The following ATXN10 variants were observed in gnomAD, a reference collection of about 807,000 sequenced individuals.
ATXN10 encodes ataxin-10.
In ATXN10, 28 loss-of-function variants were observed where a neutral mutation model predicts 52.9. The observed-to-expected ratio is 0.53, with a 90% CI of 0.39 to 0.73. The LOEUF is 0.73. Among genes scored for constraint, ATXN10 ranks in the 30% least tolerant of loss-of-function variants. The pLI is 0.00. For missense variants in ATXN10, 565 were observed against 577.0 expected (o/e 0.98, Z 0.21); for synonymous variants, 226 against 221.5 (o/e 1.02, Z -0.18).
rs1569084052 is a variant in ATXN10, at chr22:45,837,030, C to T, written c.1238-5961C>T. ...GCGTACTTTGGAAAGCCCTGCAGCA[C>T]ACAAATCCCTTGCCTTCATGGGTTT... On this transcript the variant is annotated intron_variant, in intron 10 of 11. Coordinates refer to ENST00000252934, the MANE Select transcript of ATXN10 (RefSeq NM_013236.4). This position sits in a 1 kb window ranked among gnomAD's most constrained non-coding sequence, Gnocchi z 5.8. 6.6e-6 allele frequency among the ~76,000 whole-genome samples: 1 copy of T among 152,174 alleles called. No individual in the cohort carries two copies. Among genetic ancestry groups the T allele is most frequent in the Non-Finnish European group, 1.5e-5 (1 of 68,038 alleles).
At chr22:45,720,403 C>T (rs58140427) in intron 6 of ATXN10, among the ~76,000 whole-genome samples, 2,393 of 150,942 alleles carry the variant, frequency 0.016, 79 homozygotes, top group African/African-American at 0.054. Flanking sequence ...CAAGTGTGAT[C>T]GTAGTGCACT....
chr22:45,802,626 A>G (rs1280362601), intron 9 of ATXN10, among the ~76,000 whole-genome samples: 1 of 152,196 alleles, frequency 6.6e-6, no homozygotes, highest in Non-Finnish European at 1.5e-5. Context: ...TCCTTTCCTA[A>G]TGCAGCTGTA....
In ATXN10 at chr22:45,843,186, C is replaced by T. The variant is rs1203584910; in HGVS notation, c.1425+8C>T. ...AGAGACACCCCTAAGCCAGTAAGTACCCTCGAGGGAACTGTCCTTCCCTTT... is the reference window on the plus strand; with the variant it reads ...AGAGACACCCCTAAGCCAGTAAGTATCCTCGAGGGAACTGTCCTTCCCTTT... On this transcript the variant is annotated splice_region_variant and intron_variant, in intron 11 of 11. Coordinates refer to ENST00000252934, the MANE Select transcript of ATXN10 (RefSeq NM_013236.4). This position sits in a 1 kb window ranked among gnomAD's most constrained non-coding sequence, Gnocchi z 4.5. The T allele has an allele frequency of 1.9e-6, 3 of 1,613,628 alleles. No individual in the cohort carries two copies. The African/African-American group carries it at 4.0e-5, about 22-fold the overall frequency.
Position 45,750,951 on chromosome 22 carries a change from G to A in ATXN10, c.1173+10413G>A, listed in dbSNP as rs1030962060. Among the ~76,000 whole-genome samples, 7 of 149,588 alleles carry A rather than the reference G, an allele frequency of 4.7e-5. No homozygotes were observed. The highest frequency in any genetic ancestry group is 1.0e-4 in the Non-Finnish European group (7 of 67,428). On this transcript the variant is annotated intron_variant, in intron 9 of 11. Coordinates refer to ENST00000252934, the MANE Select transcript of ATXN10 (RefSeq NM_013236.4). The surrounding 1 kb of genome is among the most constrained non-coding windows in gnomAD (Gnocchi z 4.2). ...CTTCTACTTTCCTGTTTTTTTTTGA[G>A]ACAGAGTCTTGCTTTGTTGCCCAGG...
At chr22:45,794,900 A>G (rs1927654426) in intron 9 of ATXN10, among the ~76,000 whole-genome samples, 1 of 152,196 alleles carries the variant, frequency 6.6e-6, no homozygotes, top group South Asian at 2.1e-4. Flanking sequence ...AAAAGAAAAG[A>G]TTTCTATTCT....
rs1030346009 is a variant in ATXN10 at position 45,828,254 on chromosome 22, CAACAT to C, written c.1238-14732_1238-14728del. Among the ~76,000 whole-genome samples the C allele has an allele frequency of 6.7e-5, 10 of 149,730 alleles. No individual in the cohort carries two copies. Among genetic ancestry groups the C allele is most frequent in the Middle Eastern group, 3.4e-3 (1 of 292 alleles). ...TTAGAGACAAATGAAAATGAAAAGA[CAACAT>C]AACAGAACTTATGGGACACAGCAAA... On this transcript the variant is annotated intron_variant, in intron 10 of 11. Transcript: ENST00000252934. The surrounding 1 kb of genome is among the most constrained non-coding windows in gnomAD (Gnocchi z 4.5).
chr22:45,690,698 C>T lies in ATXN10; in HGVS notation c.308+795C>T, dbSNP rs1308843705. Among the ~76,000 whole-genome samples the T allele has an allele frequency of 2.0e-5, 3 of 152,174 alleles. No homozygotes were observed. Among genetic ancestry groups the T allele is most frequent in the African/African-American group, 7.2e-5 (3 of 41,444 alleles). On this transcript the variant is annotated intron_variant, in intron 2 of 11. Coordinates refer to ENST00000252934, the MANE Select transcript of ATXN10 (RefSeq NM_013236.4). The surrounding 1 kb of genome is among the most constrained non-coding windows in gnomAD (Gnocchi z 4.5). ...GTAAAGTTCCAAGCTCTGCTTCCAC[C>T]TATTTTATGATGCGCACATTTTTAA...
At position 45,690,137 on chromosome 22, in the gene ATXN10, A is replaced by G. The variant is rs921228157; in HGVS notation, c.308+234A>G. 6.6e-6 allele frequency among the ~76,000 whole-genome samples: 1 copy of G among 152,112 alleles called. No homozygotes were observed. Among genetic ancestry groups the G allele is most frequent in the Non-Finnish European group, 1.5e-5 (1 of 68,008 alleles). On this transcript the variant is annotated intron_variant, in intron 2 of 11. Transcript: ENST00000252934. This position sits in a 1 kb window ranked among gnomAD's most constrained non-coding sequence, Gnocchi z 4.5. Reference sequence around the variant, plus strand: ...AAAAAATACAAAAAATTAGCTGGACATGGTGGCGCACACCTGTAGTCCCAA... The same window carrying G: ...AAAAAATACAAAAAATTAGCTGGACGTGGTGGCGCACACCTGTAGTCCCAA...
At chr22:45,706,786 C>T (rs1188818953) in intron 5 of ATXN10, among the ~76,000 whole-genome samples, 2 of 151,840 alleles carry the variant, frequency 1.3e-5, no homozygotes, top group Admixed American at 1.3e-4. Flanking sequence ...TATGGCCTGA[C>T]ATGTGGTCTG....
At chr22:45,682,322 T>G (rs1922957348) in intron 1 of ATXN10, among the ~76,000 whole-genome samples, 1 of 152,018 alleles carries the variant, frequency 6.6e-6, no homozygotes, top group South Asian at 2.1e-4. Context: ...TGGACTTCTT[T>G]GTTTTTTTTT....
chr22:45,722,639 A>G (rs962623947), intron 6 of ATXN10, among the ~76,000 whole-genome samples: 2 of 152,070 alleles, frequency 1.3e-5, no homozygotes, highest in Non-Finnish European at 2.9e-5. Flanking sequence ...CCTGTGTGTC[A>G]TTGTGTAAGG....
intron 3 of ATXN10, 46 bp from the exon 4 acceptor site, chr22:45,700,236 T>C (rs1233422907): frequency 4.9e-6 from 6 of 1,233,882 alleles, no homozygotes; most frequent in Non-Finnish European, 5.8e-6. Context: ...TTATTTATTG[T>C]GTTTAATCAT....
intron 9 of ATXN10, among the ~76,000 whole-genome samples, chr22:45,782,902 G>A (rs542199815): frequency 6.6e-6 from 1 of 152,274 alleles, no homozygotes; most frequent in African/African-American, 2.4e-5. Flanking sequence ...CTGTGATAAA[G>A]TTTAATTTAT....
intron 9 of ATXN10, among the ~76,000 whole-genome samples, chr22:45,794,962 G>A (rs1349145722): frequency 1.3e-5 from 2 of 152,208 alleles, no homozygotes; most frequent in East Asian, 1.9e-4. Flanking sequence ...AATCATAATG[G>A]CAGTATATTA....
chr22:45,828,492 C>T lies in ATXN10; in HGVS notation c.1238-14499C>T, dbSNP rs118000771. Among the ~76,000 whole-genome samples, 973 of 152,020 alleles carry T rather than the reference C, an allele frequency of 6.4e-3. 7 individuals are homozygous for T. Among genetic ancestry groups the T allele is most frequent in the South Asian group, 0.015 (73 of 4,814 alleles). On this transcript the variant is annotated intron_variant, in intron 10 of 11. Coordinates refer to ENST00000252934, the MANE Select transcript of ATXN10 (RefSeq NM_013236.4). The surrounding 1 kb of genome is among the most constrained non-coding windows in gnomAD (Gnocchi z 4.5). ...CAGAAGTTGCTTTTTTAAAGATCAA[C>T]AAAAGTTGACCAACTTTTAGCTAGG...
At chr22:45,725,064 A>T (rs2054309069) in intron 6 of ATXN10, among the ~76,000 whole-genome samples, 1 of 152,116 alleles carries the variant, frequency 6.6e-6, no homozygotes, top group African/African-American at 2.4e-5. Context: ...ATAGACTTGT[A>T]GTATAATTTG....
At chr22:45,723,951 C>CAA (rs745576988) in intron 6 of ATXN10, among the ~76,000 whole-genome samples, 20 of 124,700 alleles carry the variant, frequency 1.6e-4, no homozygotes, top group African/African-American at 4.1e-4. Flanking sequence ...GACCCTGTCT[C>CAA]AAAAAAAAAA....
chr22:45,778,368 G>C (rs1186559200), intron 9 of ATXN10, among the ~76,000 whole-genome samples: 1 of 152,208 alleles, frequency 6.6e-6, no homozygotes, highest in African/African-American at 2.4e-5. Context: ...TATGGAGCTT[G>C]CGTCTCAGTG....
rs1473170401 is a variant in ATXN10 at position 45,728,312 on chromosome 22, C to CT, written c.729-1112dup. On this transcript the variant is annotated intron_variant, in intron 6 of 11. Coordinates refer to ENST00000252934, the MANE Select transcript of ATXN10 (RefSeq NM_013236.4). The surrounding 1 kb of genome is among the most constrained non-coding windows in gnomAD (Gnocchi z 4.3). ...ATAAATAAGGGAAAACAGAAATTCT[C>CT]TAATACTGTGCTCAACTGAGTGGAC... 6.6e-6 allele frequency among the ~76,000 whole-genome samples: 1 copy of CT among 152,132 alleles called. No homozygotes were observed. Among genetic ancestry groups the CT allele is most frequent in the Non-Finnish European group, 1.5e-5 (1 of 68,038 alleles).
Sources: allele counts gnomAD v4.1 joint callset (sites outside exome capture counted in the v4.1 genomes callset), GRCh38; gene constraint gnomAD v4.1.1; non-coding constraint Gnocchi (gnomAD v3.1); transcripts MANE v1.5; gene names NCBI Gene and HGNC (gene_info 2026-07-23, HGNC 2026-07-21).